Variants in TIAM1 observed in about 807,000 individuals in gnomAD.
TIAM1 encodes the protein TIAM Rac1 associated GEF 1.
TIAM1 carries 65 observed loss-of-function variants against 163.5 expected under a neutral mutation model. That is an observed-to-expected ratio of 0.40 (90% CI 0.33 to 0.49). The LOEUF is 0.49. Among genes scored for constraint, TIAM1 ranks in the 20% least tolerant of loss-of-function variants. TIAM1 has a pLI of 0.77. For synonymous variants in TIAM1, 833 were observed against 810.1 expected, an observed-to-expected ratio of 1.03 and a Z score of -0.48; for missense variants, 1,789 against 2,044.7, an observed-to-expected ratio of 0.87 and a Z score of 2.41.
intron 1 of TIAM1, among the ~76,000 whole-genome samples, chr21:31,543,100 A>C (rs1267135613): frequency 6.6e-6 from 1 of 152,146 alleles, no homozygotes; most frequent in Non-Finnish European, 1.5e-5. Context: ...CTGCTTGCCT[A>C]CCCTGCTTCC....
intron 12 of TIAM1, among the ~76,000 whole-genome samples, chr21:31,199,127 G>GA (rs2086046367): frequency 6.6e-6 from 1 of 152,060 alleles, no homozygotes; most frequent in South Asian, 2.1e-4. Flanking sequence ...CAGATTTTAA[G>GA]AAAAAAATTG....
At chr21:31,286,944 GA>G (rs377418723) in intron 2 of TIAM1, among the ~76,000 whole-genome samples, 38 of 147,020 alleles carry the variant, frequency 2.6e-4, no homozygotes, top group African/African-American at 6.7e-4. Flanking sequence ...TTTTAAAATG[GA>G]AAAAAAAAAT....
At chr21:31,327,010 G>A (rs1484663719) in intron 2 of TIAM1, among the ~76,000 whole-genome samples, 2 of 152,180 alleles carry the variant, frequency 1.3e-5, no homozygotes, top group Non-Finnish European at 1.5e-5. Context: ...ATGTGTTCCG[G>A]CCGCGATTTA....
rs2077358120 is a variant in TIAM1, at chr21:31,411,532, A to G, written c.-369+52451T>C. 5.4e-5 allele frequency among the ~76,000 whole-genome samples: 8 copies of G among 147,068 alleles called. No homozygotes were observed. In the Admixed American group the frequency reaches 5.5e-4, roughly 10 times the overall value. On this transcript the variant is annotated intron_variant, in intron 2 of 28. Coordinates refer to the TIAM1 transcript ENST00000286827. ...ACTCCCTTGCCCAGGCTGGAGTGCAATGGCGCCATCTCGGCTCACTGCAAC... is the reference window on the plus strand; with the variant it reads ...ACTCCCTTGCCCAGGCTGGAGTGCAGTGGCGCCATCTCGGCTCACTGCAAC...
intron 1 of TIAM1, among the ~76,000 whole-genome samples, chr21:31,516,567 A>G (rs2047389158): frequency 6.6e-6 from 1 of 152,076 alleles, no homozygotes; most frequent in Non-Finnish European, 1.5e-5. Flanking sequence ...ATTAACCCAC[A>G]GTATTTGGTA....
intron 15 of TIAM1, 143 bp downstream of exon 15, chr21:31,182,278 A>G: frequency 1.7e-6 from 1 of 602,422 alleles, no homozygotes; most frequent in Non-Finnish European, 2.6e-6. Flanking sequence ...ATGCAGGGCC[A>G]GTCATCAGCC....
rs976373408 is a variant in TIAM1 at position 31,506,853 on chromosome 21, G to A, written c.-421-42818C>T. On this transcript the variant is annotated intron_variant, in intron 1 of 28. Coordinates refer to the TIAM1 transcript ENST00000286827. ...GAATCACTTTAACCGGGAGGCAGAG[G>A]TTGCAGTGAGCCGAGATCGTGCCAC... Among the ~76,000 whole-genome samples, 2 of 152,202 alleles carry A rather than the reference G, an allele frequency of 1.3e-5. 1 individual carries two copies. The highest frequency in any genetic ancestry group is 4.1e-4 in the South Asian group (2 of 4,830).
chr21:31,443,871 T>C (rs897975220), intron 2 of TIAM1, among the ~76,000 whole-genome samples: 1 of 152,218 alleles, frequency 6.6e-6, no homozygotes, highest in Non-Finnish European at 1.5e-5. Flanking sequence ...TTGAAATTCA[T>C]TGTATGCAAC....
At chr21:31,518,556 G>A (rs1184418457) in intron 1 of TIAM1, among the ~76,000 whole-genome samples, 5 of 152,074 alleles carry the variant, frequency 3.3e-5, no homozygotes, top group East Asian at 3.9e-4. Context: ...CAAAGTGCTG[G>A]GATTACAGGT....
chr21:31,226,489 C>T (rs192747541), intron 6 of TIAM1, among the ~76,000 whole-genome samples: 163 of 152,262 alleles, frequency 1.1e-3, no homozygotes, highest in African/African-American at 3.7e-3. Context: ...TCTTTGGGGA[C>T]TCTATGGAAC....
chr21:31,542,899 C>T (rs750658370), intron 1 of TIAM1, among the ~76,000 whole-genome samples: 9 of 151,188 alleles, frequency 6.0e-5, no homozygotes, highest in Admixed American at 2.6e-4. Flanking sequence ...ACTCGGGAGG[C>T]GGAGGTTGCA....
Position 31,365,802 on chromosome 21 carries a change from C to T in TIAM1, c.-368-26380G>A, listed in dbSNP as rs879385640. On this transcript the variant is annotated intron_variant, in intron 2 of 28. Coordinates refer to the TIAM1 transcript ENST00000286827. ...ATTCCCCAACAACTGCAAGATTTCA[C>T]TGTCAAAGTATGACATAAGGCCGGG... Among the ~76,000 whole-genome samples, 17 of 152,056 alleles carry T rather than the reference C, an allele frequency of 1.1e-4. 2 individuals are homozygous for T. The highest frequency in any genetic ancestry group is 5.9e-4 in the Admixed American group (9 of 15,268).
chr21:31,267,021 C>T (rs1163836508), intron 3 of TIAM1, 38 bp from the exon 4 acceptor site: 4 of 1,553,754 alleles, frequency 2.6e-6, no homozygotes, highest in Non-Finnish European at 3.5e-6. Context: ...AATTGAGTCA[C>T]TATTAGTACA....
intron 1 of TIAM1, among the ~76,000 whole-genome samples, chr21:31,543,291 C>A (rs1317234167): frequency 6.6e-6 from 1 of 152,198 alleles, no homozygotes; most frequent in Non-Finnish European, 1.5e-5. Context: ...GTCCCACAGC[C>A]GCCACCATTC....
intron 1 of TIAM1, among the ~76,000 whole-genome samples, chr21:31,487,971 C>G (rs1441889553): frequency 6.6e-6 from 1 of 152,200 alleles, no homozygotes; most frequent in African/African-American, 2.4e-5. Flanking sequence ...GGATTACAGG[C>G]ACGAGCCACT....
At position 31,484,456 on chromosome 21, in the gene TIAM1, T is replaced by C. The variant is rs187122174; in HGVS notation, c.-421-20421A>G. Among the ~76,000 whole-genome samples the C allele has an allele frequency of 1.7e-3, 255 of 152,286 alleles. 1 individual carries two copies. The highest frequency in any genetic ancestry group is 5.9e-3 in the African/African-American group (247 of 41,548). Reference sequence around the variant, plus strand: ...ACTGTGGGTGGCCTCCAAACCCAGCTTGCCTCTGCCTCCGGGGCAGGGACA... The same window carrying C: ...ACTGTGGGTGGCCTCCAAACCCAGCCTGCCTCTGCCTCCGGGGCAGGGACA... On this transcript the variant is annotated intron_variant, in intron 1 of 28. Transcript: ENST00000286827.
At chr21:31,493,382 G>A (rs1285130089) in intron 1 of TIAM1, among the ~76,000 whole-genome samples, 1 of 152,202 alleles carries the variant, frequency 6.6e-6, no homozygotes, top group Admixed American at 6.5e-5. Flanking sequence ...TTTAAATGAG[G>A]AAGAGATCGC....
At chr21:31,528,762 A>G (rs1057207294) in intron 1 of TIAM1, among the ~76,000 whole-genome samples, 19 of 148,584 alleles carry the variant, frequency 1.3e-4, no homozygotes, top group African/African-American at 4.5e-4. Context: ...TGGAGATTGT[A>G]CCACTGAACT....
At chr21:31,138,142 C>T (rs763241513) in intron 22 of TIAM1, among the ~76,000 whole-genome samples, 10 of 151,954 alleles carry the variant, frequency 6.6e-5, no homozygotes, top group Non-Finnish European at 1.5e-4. Context: ...CTGGGATGCC[C>T]GACTGAGTCA....
Sources: allele counts gnomAD v4.1 joint callset (sites outside exome capture counted in the v4.1 genomes callset), GRCh38; gene constraint gnomAD v4.1.1; transcripts MANE v1.5; gene names NCBI Gene and HGNC (gene_info 2026-07-23, HGNC 2026-07-21).